The following DYNC1I2 variants were observed in gnomAD, a reference collection of about 807,000 sequenced individuals.
DYNC1I2 encodes cytoplasmic dynein 1 intermediate chain 2.
Under a neutral mutation model 88.6 loss-of-function variants are expected in DYNC1I2, and 53 were observed. The observed-to-expected ratio is 0.60, with a 90% CI of 0.48 to 0.75. The LOEUF is 0.75. Among genes scored for constraint, DYNC1I2 ranks in the 30% least tolerant of loss-of-function variants. DYNC1I2 has a pLI of 0.00. For missense variants in DYNC1I2, 458 were observed against 766.6 expected, an observed-to-expected ratio of 0.60 and a Z score of 4.75; for synonymous variants, 198 against 254.6, an observed-to-expected ratio of 0.78 and a Z score of 2.12.
intron 5 of DYNC1I2, 62 bp downstream of exon 5, chr2:171,707,439 G>C: frequency 6.9e-7 from 1 of 1,443,116 alleles, no homozygotes; most frequent in East Asian, 2.4e-5. Flanking sequence ...AAATACTGTT[G>C]ATACTTTAAA....
In DYNC1I2 at chr2:171,715,499, T is replaced by C. The variant is rs761343917; in HGVS notation, c.511+56T>C. ...TGAGCACCTATGTTAAATACATAGA[T>C]TCTTTTTTTCTTCCTTTGATTTTTG... On this transcript the variant is annotated intron_variant, in intron 7 of 17. Transcript: ENST00000397119. 230 of 1,091,934 alleles carry C rather than the reference T, an allele frequency of 2.1e-4. 1 individual carries two copies. Among genetic ancestry groups the C allele is most frequent in the Non-Finnish European group, 1.9e-4 (150 of 777,924 alleles). 67.6% of individuals were successfully genotyped at this position (1,091,934 alleles called of 1,614,324 possible). A position where few individuals can be genotyped will look rare whatever the true frequency, so the allele number is the denominator to read the frequency against.
rs1484359716 is a variant in DYNC1I2 at position 171,728,734 on chromosome 2, T to C, written c.1275T>C (p.Val425=). The C allele has an allele frequency of 6.2e-7, 1 of 1,603,200 alleles. No individual in the cohort carries two copies. The highest frequency in any genetic ancestry group is 2.2e-5 in the East Asian group (1 of 44,596). ...LSHPQDSMEL[V]HKQSKAVAVT... ...CTATGTAGGATAGCATGGAGTTGGT[T>C]CATAAACAGTCAAAAGCAGTAGCTG... Residue 425 remains valine (V), a synonymous_variant, in exon 14 of 18, where the codon GTT becomes GTC. Coordinates refer to ENST00000397119, the MANE Select transcript of DYNC1I2 (RefSeq NM_001378.3).
Position 171,726,182 on chromosome 2 carries a change from C to CT in DYNC1I2, c.771-5dup, listed in dbSNP as rs765384526. On this transcript the variant is annotated splice_polypyrimidine_tract_variant and intron_variant, in intron 9 of 17. Transcript: ENST00000397119. ...ACACCATCTTTTTGGGGGGTTTGGTCTTTTTTTGTAGAGAGATTCAAGCAG... is the reference window on the plus strand; with the variant it reads ...ACACCATCTTTTTGGGGGGTTTGGTCTTTTTTTTGTAGAGAGATTCAAGCAG... The CT allele has an allele frequency of 1.9e-6, 3 of 1,600,400 alleles. No homozygotes were observed. Among genetic ancestry groups the CT allele is most frequent in the Admixed American group, 1.7e-5 (1 of 57,196 alleles).
At chr2:171,737,794 C>G (rs1192724303) in intron 15 of DYNC1I2, among the ~76,000 whole-genome samples, 1 of 147,734 alleles carries the variant, frequency 6.8e-6, no homozygotes, top group Non-Finnish European at 1.5e-5. Context: ...TATTCGTCCA[C>G]TGAGTAGATG....
intron 7 of DYNC1I2, among the ~76,000 whole-genome samples, chr2:171,716,368 C>T (rs1687493441): frequency 6.6e-6 from 1 of 152,074 alleles, no homozygotes; most frequent in South Asian, 2.1e-4. Context: ...AGTTTACCAC[C>T]AAATGAGTTA....
In DYNC1I2 at chr2:171,725,658, T is replaced by A. The variant is rs773586669; in HGVS notation, c.552T>A (p.Pro184=). ...EDDDVVAPKP[P]IEPEEEKTLK... ...ATGATGTAGTGGCTCCTAAACCACC[T>A]ATTGAACCTGAAGAAGAGAAAACTT... The change falls in exon 8 of 18, where the codon CCT becomes CCA. Residue 184 remains proline (P), a synonymous_variant. Transcript: ENST00000397119. 15 of 1,550,572 alleles carry A rather than the reference T, an allele frequency of 9.7e-6. No individual in the cohort carries two copies. The South Asian group carries it at 1.7e-4, about 17-fold the overall frequency.
rs151058663 is a variant in DYNC1I2, at chr2:171,709,872, C to T, written c.335+2495C>T. ...AACTGGGATTACAAGCATGCACAAC[C>T]GCGCCCAGCTAATTTTGTATTTTTA... On this transcript the variant is annotated intron_variant, in intron 5 of 17. Coordinates refer to ENST00000397119, the MANE Select transcript of DYNC1I2 (RefSeq NM_001378.3). Among the ~76,000 whole-genome samples the T allele has an allele frequency of 2.8e-3, 431 of 152,184 alleles. 12 individuals are homozygous for T. The East Asian group carries it at 0.052, about 18-fold the overall frequency.
chr2:171,725,594 GTTTGTTT>G lies in DYNC1I2; in HGVS notation c.512-20_512-14del, dbSNP rs752061249. 2.7e-5 allele frequency: 32 copies of G among 1,175,930 alleles called. No individual in the cohort carries two copies. In the African/African-American group the frequency reaches 5.7e-4, roughly 21 times the overall value. The allele number at this position is 1,175,930 out of a possible 1,614,324, so 72.8% of individuals were successfully genotyped here. A position where few individuals can be genotyped will look rare whatever the true frequency, so the allele number is the denominator to read the frequency against. On this transcript the variant is annotated splice_polypyrimidine_tract_variant and intron_variant, in intron 7 of 17. Coordinates refer to ENST00000397119, the MANE Select transcript of DYNC1I2 (RefSeq NM_001378.3). Reference sequence around the variant, plus strand: ...TATCATTCTGTTTTTTTGTTTTTTTGTTTGTTTTTTTTTTTTTTTTCAGATGAAGAGG... The same window carrying G: ...TATCATTCTGTTTTTTTGTTTTTTTGTTTTTTTTTTTTTCAGATGAAGAGG...
intron 7 of DYNC1I2, 34 bp downstream of exon 7, chr2:171,715,477 G>GC: frequency 7.5e-7 from 1 of 1,337,030 alleles, no homozygotes; most frequent in Non-Finnish European, 1.0e-6. Flanking sequence ...TTGTCATTGA[G>GC]CACCTATGTT....
chr2:171,705,197 C>G (rs1336863788), intron 3 of DYNC1I2, among the ~76,000 whole-genome samples: 2 of 152,006 alleles, frequency 1.3e-5, no homozygotes, highest in African/African-American at 4.8e-5. Context: ...GTTAATGTAT[C>G]TGTTTATCTG....
At chr2:171,695,148 G>T (rs927155778) in intron 3 of DYNC1I2, among the ~76,000 whole-genome samples, 6 of 151,800 alleles carry the variant, frequency 4.0e-5, no homozygotes, top group South Asian at 2.1e-4. Context: ...CGCCCAGGCT[G>T]TAGTGCAATC....
chr2:171,710,658 A>T (rs557942612), intron 5 of DYNC1I2, among the ~76,000 whole-genome samples: 3 of 150,886 alleles, frequency 2.0e-5, no homozygotes, highest in African/African-American at 7.3e-5. Flanking sequence ...TTTAGGAACA[A>T]TTATTCAGTG....
chr2:171,700,620 G>GT (rs1457250846), intron 3 of DYNC1I2, among the ~76,000 whole-genome samples: 3 of 150,716 alleles, frequency 2.0e-5, no homozygotes, highest in South Asian at 2.1e-4. Flanking sequence ...AATTACCCTA[G>GT]TTTTTTTGTT....
At chr2:171,715,980 C>T (rs1003245187) in intron 7 of DYNC1I2, among the ~76,000 whole-genome samples, 15 of 152,068 alleles carry the variant, frequency 9.9e-5, no homozygotes, top group Middle Eastern at 3.4e-3. Flanking sequence ...AGTATGGGGA[C>T]GTATGCACAG....
At chr2:171,743,394 T>A (rs1490382912) in intron 15 of DYNC1I2, among the ~76,000 whole-genome samples, 3 of 152,112 alleles carry the variant, frequency 2.0e-5, no homozygotes, top group African/African-American at 7.2e-5. Context: ...ACCTATATGG[T>A]TCAAGGGTCA....
At chr2:171,724,366 T>G (rs923221098) in intron 7 of DYNC1I2, among the ~76,000 whole-genome samples, 1 of 152,208 alleles carries the variant, frequency 6.6e-6, no homozygotes, top group Non-Finnish European at 1.5e-5. Context: ...AAGGCTTGTC[T>G]TTAGGCCTCC....
intron 15 of DYNC1I2, among the ~76,000 whole-genome samples, chr2:171,742,086 T>C (rs1689477661): frequency 6.6e-6 from 1 of 151,086 alleles, no homozygotes. Context: ...AAAAAAAAAG[T>C]TTCATAGTTT....
rs1559416800 is a variant in DYNC1I2, at chr2:171,749,747, T to C, written c.*1858T>C. On this transcript the variant is annotated 3_prime_UTR_variant, in exon 18 of 18. Coordinates refer to ENST00000397119, the MANE Select transcript of DYNC1I2 (RefSeq NM_001378.3). ...TCCCCTACTCCCCCAGAAAATGCGA[T>C]GTATACCTTTGCCCATTCAACTTTA... 6.6e-6 allele frequency among the ~76,000 whole-genome samples: 1 copy of C among 152,142 alleles called. No individual in the cohort carries two copies. Among genetic ancestry groups the C allele is most frequent in the Non-Finnish European group, 1.5e-5 (1 of 67,990 alleles).
intron 2 of DYNC1I2, among the ~76,000 whole-genome samples, chr2:171,691,636 A>G (rs1313026049): frequency 6.6e-6 from 1 of 152,204 alleles, no homozygotes; most frequent in East Asian, 1.9e-4. Flanking sequence ...TATTAGATTA[A>G]AAGCTGACTG....
Sources: gnomAD v4.1 joint callset for allele counts (sites outside exome capture counted in the v4.1 genomes callset) on GRCh38, gnomAD v4.1.1 for gene constraint, MANE v1.5 for transcripts, NCBI Gene and HGNC (gene_info 2026-07-23, HGNC 2026-07-21) for gene names.